NAP1L4: variants seen among roughly 807,000 people sequenced by gnomAD.
NAP1L4 encodes the protein nucleosome assembly protein 1-like 4.
Under a neutral mutation model 58.2 loss-of-function variants are expected in NAP1L4, and 15 were observed. That is an observed-to-expected ratio of 0.26 (90% CI 0.17 to 0.40). NAP1L4 has a LOEUF of 0.40. NAP1L4 is among the 10% of genes least tolerant of loss of function. The pLI is 1.00. For missense variants in NAP1L4, 384 were observed against 451.1 expected, an observed-to-expected ratio of 0.85 and a Z score of 1.35; for synonymous variants, 171 against 155.6, an observed-to-expected ratio of 1.10 and a Z score of -0.74.
chr11:2,979,314 T>G (rs1848162585), intron 1 of NAP1L4, 77 bp from the exon 2 acceptor site: 2 of 1,250,636 alleles, frequency 1.6e-6, no homozygotes, highest in Non-Finnish European at 2.3e-6. Flanking sequence ...AAACAACGGT[T>G]ATCTGTGGGA....
At chr11:2,980,029 G>C (rs558830963) in intron 1 of NAP1L4, among the ~76,000 whole-genome samples, 1 of 152,104 alleles carries the variant, frequency 6.6e-6, no homozygotes, top group South Asian at 2.1e-4. Context: ...AGGATGTATT[G>C]CTTGTGTAAA....
rs58552553 is a variant in NAP1L4, at chr11:2,970,858, C to CAA, written c.402+588_402+589dup. Among the ~76,000 whole-genome samples the CAA allele has an allele frequency of 3.0e-3, 332 of 110,414 alleles. 3 individuals are homozygous for CAA. The highest frequency in any genetic ancestry group is 4.7e-3 in the Non-Finnish European group (244 of 51,874). The allele number at this position is 110,414 out of a possible 152,430, so 72.4% of individuals were successfully genotyped here. ...AAATCATCATATACCACCCCCCCCC[C>CAA]AAAAAAAAAACTGCAAAAAGTTAGT... On this transcript the variant is annotated intron_variant, in intron 6 of 15. Coordinates refer to ENST00000380542, the MANE Select transcript of NAP1L4 (RefSeq NM_005969.4).
At chr11:2,966,989 C>G (rs931498069) in intron 7 of NAP1L4, among the ~76,000 whole-genome samples, 1 of 152,222 alleles carries the variant, frequency 6.6e-6, no homozygotes, top group African/African-American at 2.4e-5. Flanking sequence ...CTGGAGGCAT[C>G]GCACTCAGAT....
At chr11:2,972,008 C>T (rs1280539554) in intron 5 of NAP1L4, 94 bp downstream of exon 5, 31 of 1,306,892 alleles carry the variant, frequency 2.4e-5, no homozygotes, top group Non-Finnish European at 3.0e-5. Flanking sequence ...TGCGTTCTTA[C>T]CCTAGATGTT....
Position 2,960,000 on chromosome 11 carries a change from T to C in NAP1L4, c.607-91A>G. 1 of 1,371,806 alleles carries C rather than the reference T, an allele frequency of 7.3e-7. No homozygotes were observed. The highest frequency in any genetic ancestry group is 1.0e-6 in the Non-Finnish European group (1 of 1,000,816). The allele number at this position is 1,371,806 out of a possible 1,614,324, so 85.0% of individuals were successfully genotyped here. On this transcript the variant is annotated intron_variant, in intron 8 of 15. Transcript: ENST00000380542. This position sits in a 1 kb window ranked among gnomAD's most constrained non-coding sequence, Gnocchi z 4.9. Reference sequence around the variant, plus strand: ...AGTACACAACACTTACTAGAAGCTATTTTGGGAAAGCTCAACAGATAGGGC... The same window carrying C: ...AGTACACAACACTTACTAGAAGCTACTTTGGGAAAGCTCAACAGATAGGGC...
At position 2,945,469 on chromosome 11, in the gene NAP1L4, G is replaced by T; in HGVS notation, c.*210C>A. 2.8e-6 allele frequency: 2 copies of T among 710,616 alleles called. No homozygotes were observed. Among genetic ancestry groups the T allele is most frequent in the Non-Finnish European group, 4.5e-6 (2 of 442,176 alleles). 44.0% of individuals were successfully genotyped at this position (710,616 alleles called of 1,614,324 possible). On this transcript the variant is annotated 3_prime_UTR_variant, in exon 16 of 16. Transcript: ENST00000380542. ...AAAATAATAAGGAAAAAGGAAAAGT[G>T]AAAGTGAAAATCATGCACTTGAAAA...
intron 7 of NAP1L4, among the ~76,000 whole-genome samples, chr11:2,968,925 C>T (rs1174639923): frequency 6.6e-6 from 1 of 151,604 alleles, no homozygotes; most frequent in Non-Finnish European, 1.5e-5. Context: ...CATTTCACTA[C>T]AGAAAGTGAA....
intron 4 of NAP1L4, among the ~76,000 whole-genome samples, chr11:2,974,444 G>C (rs1156408105): frequency 1.3e-5 from 2 of 152,082 alleles, no homozygotes; most frequent in African/African-American, 4.8e-5. Context: ...AGTTTCTAAA[G>C]CGAGAAAACT....
intron 1 of NAP1L4, among the ~76,000 whole-genome samples, chr11:2,980,777 A>G (rs61871244): frequency 0.14 from 21,046 of 152,244 alleles, 1,541 homozygotes; most frequent in Middle Eastern, 0.17. Flanking sequence ...ATTATGATCT[A>G]TGACTGTCCT....
At chr11:2,958,941 G>A in intron 9 of NAP1L4, 1 of 222,046 alleles carries the variant, frequency 4.5e-6, no homozygotes. Context: ...GCTGAAAAAA[G>A]GAAAGAGGTG....
At position 2,976,040 on chromosome 11, in the gene NAP1L4, A is replaced by C; in HGVS notation, c.157T>G (p.Ser53Ala). Residue 53 changes from serine to alanine, a missense_variant, in exon 4 of 16, where the codon TCC becomes GCC. By Grantham distance (99) the Ser-to-Ala change is moderately conservative (BLOSUM62 1). Coordinates refer to ENST00000380542, the MANE Select transcript of NAP1L4 (RefSeq NM_005969.4). ...ERLDNVPHTP[S>A]SYIETLPKAV... is the part of the protein sequence containing the mutation. ...CACACTTACGTTTCGATGTAGCTGG[A>C]AGGGGTGTGAGGGACATTGTCAAGT... is the stretch of plus-strand genomic sequence containing the variant. The C allele has an allele frequency of 1.2e-6, 2 of 1,613,820 alleles. No individual in the cohort carries two copies. Among genetic ancestry groups the C allele is most frequent in the Non-Finnish European group, 1.7e-6 (2 of 1,179,902 alleles).
At chr11:2,987,820 C>T (rs1428049430) in intron 1 of NAP1L4, among the ~76,000 whole-genome samples, 1 of 151,130 alleles carries the variant, frequency 6.6e-6, no homozygotes, top group Non-Finnish European at 1.5e-5. Flanking sequence ...ACAAGTTCCA[C>T]GAGGGCAGGG....
At chr11:2,965,751 C>T (rs1162262298) in intron 7 of NAP1L4, among the ~76,000 whole-genome samples, 5 of 152,110 alleles carry the variant, frequency 3.3e-5, no homozygotes, top group African/African-American at 1.2e-4. Flanking sequence ...AGGATGGTCT[C>T]GATCTCCTGA....
intron 15 of NAP1L4, among the ~76,000 whole-genome samples, chr11:2,947,034 G>A (rs1034499829): frequency 2.6e-5 from 4 of 152,184 alleles, no homozygotes; most frequent in Admixed American, 6.5e-5. Flanking sequence ...CTGGTGACAA[G>A]GTGACAGACT....
intron 1 of NAP1L4, chr11:2,983,952 C>T (rs1477251072): frequency 1.3e-5 from 2 of 151,176 alleles, no homozygotes; most frequent in Non-Finnish European, 2.9e-5. Context: ...CACCACTGCA[C>T]TCCCGCCTGG....
Position 2,979,195 on chromosome 11 carries a change from ACTT to A in NAP1L4, c.14+9_14+11del. ...TTTTAAACTCCAATAAACAAAGTCCACTTTGGCTTACCTGTGATCTGCCATCTG... is the reference window on the plus strand; with the variant it reads ...TTTTAAACTCCAATAAACAAAGTCCATGGCTTACCTGTGATCTGCCATCTG... On this transcript the variant is annotated intron_variant, in intron 2 of 15. Transcript: ENST00000380542. 3.7e-6 allele frequency: 6 copies of A among 1,610,546 alleles called. No individual in the cohort carries two copies. Among genetic ancestry groups the A allele is most frequent in the East Asian group, 4.5e-5 (2 of 44,722 alleles).
At chr11:2,962,542 A>G (rs1846988792) in intron 8 of NAP1L4, among the ~76,000 whole-genome samples, 1 of 152,214 alleles carries the variant, frequency 6.6e-6, no homozygotes, top group African/African-American at 2.4e-5. Context: ...ATAATTTTAC[A>G]AAGGAAAAAG....
At chr11:2,967,093 C>T (rs7124487) in intron 7 of NAP1L4, among the ~76,000 whole-genome samples, 31,132 of 152,084 alleles carry the variant, frequency 0.2, 3,577 homozygotes, top group African/African-American at 0.28. Context: ...AGTTAATCCG[C>T]CTTTGGAATT....
chr11:2,986,626 A>T (rs918306423), intron 1 of NAP1L4, among the ~76,000 whole-genome samples: 25 of 139,738 alleles, frequency 1.8e-4, no homozygotes, highest in South Asian at 2.2e-4. Context: ...ATGGTAGTAA[A>T]TTTTTTTTTT....
Sources: allele counts gnomAD v4.1 joint callset (sites outside exome capture counted in the v4.1 genomes callset), GRCh38; gene constraint gnomAD v4.1.1; non-coding constraint Gnocchi (gnomAD v3.1); transcripts MANE v1.5; gene names NCBI Gene and HGNC (gene_info 2026-07-23, HGNC 2026-07-21).